The following TBC1D14 variants were observed in gnomAD, a reference collection of about 807,000 sequenced individuals.
TBC1D14 encodes TBC1 domain family member 14.
A neutral mutation model predicts 79.0 loss-of-function variants in TBC1D14; 26 were observed. That is an observed-to-expected ratio of 0.33 (90% CI 0.24 to 0.46). The LOEUF (loss-of-function observed/expected upper bound fraction) is 0.46, where lower values mean the gene tolerates loss of function less well. Among genes scored for constraint, TBC1D14 ranks in the 20% least tolerant of loss-of-function variants. The pLI, the probability that TBC1D14 is intolerant of heterozygous loss-of-function variation, is 1.00. For missense variants in TBC1D14, 769 were observed against 887.6 expected, an observed-to-expected ratio of 0.87 and a Z score of 1.70; for synonymous variants, 394 against 349.9, an observed-to-expected ratio of 1.13 and a Z score of -1.40.
At chr4:6,959,793 C>G (rs77589287) in intron 2 of TBC1D14, among the ~76,000 whole-genome samples, 1 of 152,190 alleles carries the variant, frequency 6.6e-6, no homozygotes, top group Non-Finnish European at 1.5e-5. Flanking sequence ...TGCTTGCTGT[C>G]ACTTCCTACC....
At chr4:7,002,647 C>G (rs950734194) in intron 7 of TBC1D14, among the ~76,000 whole-genome samples, 1 of 152,208 alleles carries the variant, frequency 6.6e-6, no homozygotes, top group African/African-American at 2.4e-5. Flanking sequence ...AAGCTGGGCC[C>G]TCACCTGCTG....
At chr4:7,011,845 A>G (rs930878077) in intron 11 of TBC1D14, among the ~76,000 whole-genome samples, 6 of 151,496 alleles carry the variant, frequency 4.0e-5, no homozygotes, top group African/African-American at 9.7e-5. Context: ...GGCGTGAGCC[A>G]CTGTGCCCGG....
At chr4:6,967,169 G>A in intron 2 of TBC1D14, 135 bp from the exon 3 acceptor site, 1 of 1,206,250 alleles carries the variant, frequency 8.3e-7, no homozygotes, top group East Asian at 2.4e-5. Context: ...GTGTCTGTAT[G>A]AAAATCAAGT....
intron 6 of TBC1D14, among the ~76,000 whole-genome samples, chr4:7,000,038 A>G (rs1719499264): frequency 6.6e-6 from 1 of 152,162 alleles, no homozygotes; most frequent in African/African-American, 2.4e-5. Flanking sequence ...ACATGTCAGC[A>G]CTGCAGGGGT....
chr4:7,000,514 A>T (rs2109195125), intron 6 of TBC1D14, among the ~76,000 whole-genome samples: 1 of 152,314 alleles, frequency 6.6e-6, no homozygotes, highest in Middle Eastern at 3.4e-3. Context: ...TGTGCTCCCC[A>T]CGATGCTGCG....
intron 13 of TBC1D14, among the ~76,000 whole-genome samples, chr4:7,027,875 A>G (rs1722608399): frequency 7.4e-6 from 1 of 135,936 alleles, no homozygotes; most frequent in Non-Finnish European, 1.6e-5. Flanking sequence ...CCCCATGCAC[A>G]CACATTGCAC....
intron 3 of TBC1D14, among the ~76,000 whole-genome samples, chr4:6,992,284 G>T (rs7655773): frequency 0.12 from 18,300 of 152,268 alleles, 1,154 homozygotes; most frequent in Middle Eastern, 0.16. Context: ...CACCTAAGCC[G>T]TGTAGGACTC....
At chr4:6,948,045 A>G (rs1174691172) in intron 2 of TBC1D14, among the ~76,000 whole-genome samples, 1 of 152,138 alleles carries the variant, frequency 6.6e-6, no homozygotes, top group Non-Finnish European at 1.5e-5. Flanking sequence ...AGCACAGAGG[A>G]GGGACTGCGT....
chr4:6,988,322 A>G (rs961004956), intron 3 of TBC1D14, among the ~76,000 whole-genome samples: 3 of 152,230 alleles, frequency 2.0e-5, no homozygotes, highest in Non-Finnish European at 2.9e-5. Flanking sequence ...TCATACTCCT[A>G]TCATTTCTGG....
intron 2 of TBC1D14, among the ~76,000 whole-genome samples, chr4:6,950,973 C>G (rs1713982766): frequency 6.6e-6 from 1 of 152,170 alleles, no homozygotes; most frequent in African/African-American, 2.4e-5. Context: ...CTGGTGATTA[C>G]ATGAACCTAC....
chr4:6,938,644 C>A (rs1712577495), intron 2 of TBC1D14, among the ~76,000 whole-genome samples: 1 of 152,190 alleles, frequency 6.6e-6, no homozygotes, highest in South Asian at 2.1e-4. Flanking sequence ...GGATCCACAT[C>A]CCTAGATCAT....
rs765253296 is a variant in TBC1D14 at position 6,923,828 on chromosome 4, G to T, written c.439G>T (p.Ala147Ser). 6.2e-7 allele frequency: 1 copy of T among 1,614,178 alleles called. No individual in the cohort carries two copies. Among genetic ancestry groups the T allele is most frequent in the Non-Finnish European group, 8.5e-7 (1 of 1,180,054 alleles). The change falls in exon 2 of 14, where the codon GCC becomes TCC. Residue 147 changes from alanine to serine, a missense_variant. Ala to Ser is a moderately conservative substitution (Grantham distance 99). This residue lies in a region of TBC1D14 where 402 missense variants were observed against 393.2 expected (regional missense o/e 1.02). Coordinates refer to ENST00000409757, the MANE Select transcript of TBC1D14 (RefSeq NM_020773.3). Reference sequence around the variant, plus strand: ...AAAGCTCTATAGCCCGACCTCCAAAGCCCTGACCCGCAGCGATGATGTCTC... The same window carrying T: ...AAAGCTCTATAGCCCGACCTCCAAATCCCTGACCCGCAGCGATGATGTCTC... The part of the protein sequence containing the change: ...SVKLYSPTSK[A>S]LTRSDDVSVC...
At chr4:6,970,702 C>T (rs1464852057) in intron 3 of TBC1D14, among the ~76,000 whole-genome samples, 7 of 148,324 alleles carry the variant, frequency 4.7e-5, no homozygotes, top group East Asian at 4.1e-4. Flanking sequence ...TTGGACCTGC[C>T]TCAAGGAGCC....
intron 12 of TBC1D14, among the ~76,000 whole-genome samples, chr4:7,018,115 G>A (rs1168893542): frequency 6.6e-6 from 1 of 152,154 alleles, no homozygotes; most frequent in African/African-American, 2.4e-5. Flanking sequence ...TTGCCTTCGG[G>A]GTCTTTGCTG....
At chr4:6,925,888 A>T (rs1724255688) in intron 2 of TBC1D14, among the ~76,000 whole-genome samples, 1 of 152,190 alleles carries the variant, frequency 6.6e-6, no homozygotes. Context: ...CCATCCAGAC[A>T]TACAGAATCA....
chr4:6,959,675 C>T lies in TBC1D14; in HGVS notation c.723-7629C>T, dbSNP rs78025573. Among the ~76,000 whole-genome samples, 591 of 152,322 alleles carry T rather than the reference C, an allele frequency of 3.9e-3. 14 individuals carry two copies. Among genetic ancestry groups the T allele is most frequent in the Admixed American group, 0.033 (502 of 15,300 alleles). The stretch of plus-strand genomic sequence containing the variant: ...CATTTTTGAGGCATAGTAGGCATGA[C>T]GATTGTACTTAGACTGTGGAATAAA... On this transcript the variant is annotated intron_variant, in intron 2 of 13. Coordinates refer to ENST00000409757, the MANE Select transcript of TBC1D14 (RefSeq NM_020773.3).
intron 2 of TBC1D14, among the ~76,000 whole-genome samples, chr4:6,950,144 G>T (rs559900148): frequency 3.3e-5 from 5 of 152,142 alleles, no homozygotes; most frequent in Non-Finnish European, 7.3e-5. Context: ...TCCCCCTTAT[G>T]AGTGAGAACA....
At chr4:6,937,910 G>A (rs1415480058) in intron 2 of TBC1D14, among the ~76,000 whole-genome samples, 2 of 152,128 alleles carry the variant, frequency 1.3e-5, no homozygotes, top group Admixed American at 1.3e-4. Flanking sequence ...GAACCTGCAG[G>A]GTCAGTTTCC....
intron 12 of TBC1D14, among the ~76,000 whole-genome samples, chr4:7,024,307 G>C (rs1230751680): frequency 2.0e-5 from 3 of 152,240 alleles, no homozygotes; most frequent in Non-Finnish European, 4.4e-5. Flanking sequence ...CTCTGTGCCA[G>C]CACAGGAAAT....
Sources: allele counts gnomAD v4.1 joint callset (sites outside exome capture counted in the v4.1 genomes callset), GRCh38; gene constraint gnomAD v4.1.1; regional missense constraint gnomAD v4.1.1; transcripts MANE v1.5; gene names NCBI Gene and HGNC (gene_info 2026-07-23, HGNC 2026-07-21).